PPP2R1B: variants seen among roughly 807,000 people sequenced by gnomAD.
The protein encoded by PPP2R1B is protein phosphatase 2 scaffold subunit Abeta.
Under a neutral mutation model 72.7 loss-of-function variants are expected in PPP2R1B, and 58 were observed. The observed-to-expected ratio is 0.80, with a 90% confidence interval of 0.65 to 0.99. The LOEUF is 0.99. Ranked by LOEUF, PPP2R1B falls within the 50% of genes least tolerant of loss-of-function variation. The pLI, the probability that PPP2R1B is intolerant of heterozygous loss-of-function variation, is 0.00. For synonymous variants in PPP2R1B, 256 were observed against 264.6 expected (o/e 0.97, Z 0.32); for missense variants, 695 against 733.6 (o/e 0.95, Z 0.61).
chr11:111,741,773 A>T (rs1373758444), intron 14 of PPP2R1B, among the ~76,000 whole-genome samples, 161 bp from the exon 15 acceptor site: 1 of 152,246 alleles, frequency 6.6e-6, no homozygotes, highest in African/African-American at 2.4e-5. Context: ...GTGAAACTTT[A>T]AAAACTGGTT....
the PPP2R1B span, among the ~76,000 whole-genome samples, chr11:111,690,495 A>C: frequency 6.6e-6 from 1 of 151,752 alleles, no homozygotes; most frequent in Admixed American, 6.6e-5. Flanking sequence ...CTGAATGTGC[A>C]GCTTTGTTAC....
chr11:111,698,501 G>A, the PPP2R1B span, among the ~76,000 whole-genome samples: 1 of 152,224 alleles, frequency 6.6e-6, no homozygotes, highest in African/African-American at 2.4e-5. Context: ...CAGCACTTTG[G>A]GAGGCCACAG....
chr11:111,739,628 G>T lies in PPP2R1B; in HGVS notation c.*1968C>A. 2.0e-6 allele frequency: 2 copies of T among 985,398 alleles called. No individual in the cohort carries two copies. The highest frequency in any genetic ancestry group is 2.4e-6 in the Non-Finnish European group (2 of 829,912). 61.0% of individuals were successfully genotyped at this position (985,398 alleles called of 1,614,324 possible). ...TGGGAGACACAAGGGCATTTTAAAA[G>T]TCTGTCCCCAAAACAATGGCATTTC... On this transcript the variant is annotated 3_prime_UTR_variant, in exon 15 of 15. Transcript: ENST00000527614.
the PPP2R1B span, among the ~76,000 whole-genome samples, chr11:111,718,028 A>G: frequency 2.6e-5 from 4 of 152,178 alleles, no homozygotes; most frequent in African/African-American, 7.2e-5. Flanking sequence ...ACGTTTACCT[A>G]TGTAACAAAC....
chr11:111,721,133 T>C, the PPP2R1B span: 1 of 1,508,112 alleles, frequency 6.6e-7, no homozygotes, highest in Non-Finnish European at 8.9e-7. Flanking sequence ...AAGATGGTCA[T>C]TTTCACTTAG....
intron 3 of PPP2R1B, 96 bp from the exon 4 acceptor site, chr11:111,761,147 C>CACG (rs1261486885): frequency 9.7e-7 from 1 of 1,034,360 alleles, no homozygotes; most frequent in Non-Finnish European, 1.5e-6. Context: ...GGAGGTGGTA[C>CACG]ACGTAACCAG....
At chr11:111,698,373 A>C in the PPP2R1B span, among the ~76,000 whole-genome samples, 2 of 151,868 alleles carry the variant, frequency 1.3e-5, no homozygotes, top group African/African-American at 2.4e-5. Context: ...TGTCCCATTC[A>C]CTCCTTTGAG....
At chr11:111,731,598 G>A (rs1207566859) in intron 15 of PPP2R1B, among the ~76,000 whole-genome samples, 1 of 152,238 alleles carries the variant, frequency 6.6e-6, no homozygotes, top group Non-Finnish European at 1.5e-5. Flanking sequence ...TTCCAATTAA[G>A]CCCATGCTAT....
intron 3 of PPP2R1B, among the ~76,000 whole-genome samples, chr11:111,762,933 A>G (rs1945380472): frequency 6.6e-6 from 1 of 152,228 alleles, no homozygotes; most frequent in African/African-American, 2.4e-5. Flanking sequence ...TCTAGCATTG[A>G]GGACACAGAA....
chr11:111,723,833 C>G, downstream of PPP2R1B: 10 of 1,613,732 alleles, frequency 6.2e-6, no homozygotes, highest in Non-Finnish European at 8.5e-6. Context: ...GCCACCACCC[C>G]CTCCACCACC....
chr11:111,764,659 A>G, intron 3 of PPP2R1B, 146 bp downstream of exon 3: 1 of 772,002 alleles, frequency 1.3e-6, no homozygotes, highest in African/African-American at 1.8e-5. Context: ...TGCCTACAGT[A>G]CTTATTCTCT....
downstream of PPP2R1B, among the ~76,000 whole-genome samples, chr11:111,735,979 G>A (rs1000593016): frequency 2.0e-5 from 3 of 152,186 alleles, no homozygotes; most frequent in Non-Finnish European, 2.9e-5. Context: ...ATGCATGGAA[G>A]GCTCCCTGAG....
chr11:111,740,114 G>A lies in PPP2R1B; in HGVS notation c.*1482C>T. ...AAATCAACAATTCAAAAACCAAAAG[G>A]GTAACAAGCAAACCTCATAGCAAGA... On this transcript the variant is annotated 3_prime_UTR_variant, in exon 15 of 15. Coordinates refer to ENST00000527614, the MANE Select transcript of PPP2R1B (RefSeq NM_002716.5). 1 of 985,316 alleles carries A rather than the reference G, an allele frequency of 1.0e-6. No homozygotes were observed. Among genetic ancestry groups the A allele is most frequent in the Non-Finnish European group, 1.2e-6 (1 of 829,884 alleles). 61.0% of individuals were successfully genotyped at this position (985,316 alleles called of 1,614,324 possible).
chr11:111,728,265 C>G (rs990488032), intron 15 of PPP2R1B: 3 of 148,654 alleles, frequency 2.0e-5, no homozygotes, highest in African/African-American at 7.4e-5. Context: ...GATCTTTGAT[C>G]ATTTTGTTGC....
At chr11:111,734,261 C>CT (rs986092951), downstream of PPP2R1B, among the ~76,000 whole-genome samples, 4 of 152,216 alleles carry the variant, frequency 2.6e-5, no homozygotes, top group African/African-American at 4.8e-5. Context: ...TCTTCACTGA[C>CT]TTAAGGGTGG....
chr11:111,713,318 A>G, the PPP2R1B span, among the ~76,000 whole-genome samples: 1 of 152,246 alleles, frequency 6.6e-6, no homozygotes, highest in Admixed American at 6.5e-5. Flanking sequence ...ATAGAAGATC[A>G]TAATAATGGG....
chr11:111,715,709 G>A, the PPP2R1B span, among the ~76,000 whole-genome samples: 1 of 149,188 alleles, frequency 6.7e-6, no homozygotes, highest in South Asian at 2.2e-4. Context: ...CATAAACCTT[G>A]TAGAATAAAT....
At chr11:111,714,702 G>C in the PPP2R1B span, among the ~76,000 whole-genome samples, 1 of 152,196 alleles carries the variant, frequency 6.6e-6, no homozygotes, top group Non-Finnish European at 1.5e-5. Flanking sequence ...GCAGATTCAA[G>C]AAGGCCGACC....
In PPP2R1B at chr11:111,740,189, A is replaced by C. The variant is rs1944470887; in HGVS notation, c.*1407T>G. 6 of 985,280 alleles carry C rather than the reference A, an allele frequency of 6.1e-6. No homozygotes were observed. Among genetic ancestry groups the C allele is most frequent in the Non-Finnish European group, 7.2e-6 (6 of 829,886 alleles). The allele number at this position is 985,280 out of a possible 1,614,324, so 61.0% of individuals were successfully genotyped here. A position where few individuals can be genotyped will look rare whatever the true frequency, so the allele number is the denominator to read the frequency against. On this transcript the variant is annotated 3_prime_UTR_variant, in exon 15 of 15. Transcript: ENST00000527614. The stretch of plus-strand genomic sequence containing the variant: ...GGGAAAACCCCCTTAACCAAAAGTC[A>C]TGAGACAAGGTGAGTTTGATTATGT...
Sources: allele counts gnomAD v4.1 joint callset (sites outside exome capture counted in the v4.1 genomes callset), GRCh38; gene constraint gnomAD v4.1.1; transcripts MANE v1.5; gene names NCBI Gene and HGNC (gene_info 2026-07-23, HGNC 2026-07-21).